Variants in SESTD1 observed in about 807,000 individuals in gnomAD.
SESTD1 encodes the protein SEC14 and spectrin domain containing 1.
In SESTD1, 43 loss-of-function variants were observed where a neutral mutation model predicts 101.7. That is an observed-to-expected ratio of 0.42 (90% CI 0.33 to 0.55). The LOEUF is 0.55. Among genes scored for constraint, SESTD1 ranks in the 20% least tolerant of loss-of-function variants. SESTD1 has a pLI of 0.07. For synonymous variants in SESTD1, 283 were observed against 286.8 expected, an observed-to-expected ratio of 0.99 and a Z score of 0.13; for missense variants, 647 against 815.1, an observed-to-expected ratio of 0.79 and a Z score of 2.51.
At chr2:179,126,137 G>A (rs1221080730) in intron 10 of SESTD1, among the ~76,000 whole-genome samples, 1 of 152,030 alleles carries the variant, frequency 6.6e-6, no homozygotes, top group Non-Finnish European at 1.5e-5. Context: ...TTAAACCTCA[G>A]TTAAAAAAAA....
intron 5 of SESTD1, among the ~76,000 whole-genome samples, chr2:179,157,996 A>G (rs962734448): frequency 6.6e-6 from 1 of 152,164 alleles, no homozygotes; most frequent in African/African-American, 2.4e-5. Flanking sequence ...CAAAGGCTTT[A>G]CTAGAATACC....
At chr2:179,166,659 T>C (rs2045840261) in intron 5 of SESTD1, among the ~76,000 whole-genome samples, 1 of 152,158 alleles carries the variant, frequency 6.6e-6, no homozygotes. Flanking sequence ...CAGCAGCCTA[T>C]TGCTGAGAGT....
At chr2:179,239,778 T>A (rs1467083380) in intron 1 of SESTD1, among the ~76,000 whole-genome samples, 1 of 152,186 alleles carries the variant, frequency 6.6e-6, no homozygotes, top group Admixed American at 6.5e-5. Context: ...TTTAACTACA[T>A]GCAAACCTTA....
At chr2:179,215,839 T>TAC (rs2046713028) in intron 1 of SESTD1, among the ~76,000 whole-genome samples, 1 of 135,002 alleles carries the variant, frequency 7.4e-6, no homozygotes, top group Non-Finnish European at 1.6e-5. Flanking sequence ...GTTCATCATA[T>TAC]GCAAATCAAT....
chr2:179,129,402 T>A (rs978366107), intron 10 of SESTD1, among the ~76,000 whole-genome samples: 4 of 152,338 alleles, frequency 2.6e-5, no homozygotes, highest in African/African-American at 9.6e-5. Flanking sequence ...TTGTGTTCTA[T>A]TAAAAAACCA....
chr2:179,132,128 T>C (rs2045027249), intron 10 of SESTD1, 176 bp downstream of exon 10: 1 of 621,708 alleles, frequency 1.6e-6, no homozygotes. Context: ...AAAACAACCT[T>C]CTAATTAACA....
At chr2:179,187,578 G>A (rs1317939839) in intron 2 of SESTD1, among the ~76,000 whole-genome samples, 1 of 152,194 alleles carries the variant, frequency 6.6e-6, no homozygotes, top group Non-Finnish European at 1.5e-5. Context: ...AGGCTACAGT[G>A]AGCTATGATC....
At position 179,165,179 on chromosome 2, in the gene SESTD1, G is replaced by T. The variant is rs972644015; in HGVS notation, c.369+6941C>A. 3.9e-5 allele frequency among the ~76,000 whole-genome samples: 6 copies of T among 152,154 alleles called. 1 individual carries two copies. Among genetic ancestry groups the T allele is most frequent in the Admixed American group, 1.3e-4 (2 of 15,276 alleles). ...CATTAGGAAATTGGGCTTTTAATAAGTGCCTAGCGCTTTCTTGAGAAAATA... is the reference window on the plus strand; with the variant it reads ...CATTAGGAAATTGGGCTTTTAATAATTGCCTAGCGCTTTCTTGAGAAAATA... On this transcript the variant is annotated intron_variant, in intron 5 of 17. Coordinates refer to ENST00000428443, the MANE Select transcript of SESTD1 (RefSeq NM_178123.5).
intron 1 of SESTD1, among the ~76,000 whole-genome samples, chr2:179,222,769 T>C (rs1484043698): frequency 6.6e-6 from 1 of 152,134 alleles, no homozygotes; most frequent in Non-Finnish European, 1.5e-5. Flanking sequence ...ATAAGGAAAC[T>C]AAAATCTGGA....
At chr2:179,191,086 A>G (rs1342034118) in intron 2 of SESTD1, among the ~76,000 whole-genome samples, 3 of 152,324 alleles carry the variant, frequency 2.0e-5, no homozygotes, top group East Asian at 3.9e-4. Context: ...TATATATCCA[A>G]CGGAAAATAA....
chr2:179,199,995 G>A (rs1157570881), intron 1 of SESTD1, among the ~76,000 whole-genome samples: 1 of 152,148 alleles, frequency 6.6e-6, no homozygotes, highest in African/African-American at 2.4e-5. Context: ...GTCCCTGTTT[G>A]CAGACGACAT....
chr2:179,117,697 T>G, intron 13 of SESTD1, 84 bp from the exon 14 acceptor site: 1 of 1,091,304 alleles, frequency 9.2e-7, no homozygotes, highest in Non-Finnish European at 1.3e-6. Flanking sequence ...ACATGTATTT[T>G]ATAGTACACT....
chr2:179,225,105 T>C (rs1574048662), intron 1 of SESTD1, among the ~76,000 whole-genome samples: 1 of 152,184 alleles, frequency 6.6e-6, no homozygotes, highest in Non-Finnish European at 1.5e-5. Context: ...GATCTGATGC[T>C]GTCTCCAGGT....
chr2:179,239,034 T>C (rs1176631632), intron 1 of SESTD1, among the ~76,000 whole-genome samples: 3 of 152,190 alleles, frequency 2.0e-5, no homozygotes, highest in Non-Finnish European at 4.4e-5. Context: ...CGACTAATGT[T>C]TGATTTCTCT....
At chr2:179,126,766 C>T (rs1206447121) in intron 10 of SESTD1, among the ~76,000 whole-genome samples, 3 of 152,098 alleles carry the variant, frequency 2.0e-5, no homozygotes, top group Non-Finnish European at 4.4e-5. Flanking sequence ...AAAATCTAAC[C>T]TGCCACCAAA....
At chr2:179,136,330 C>T (rs904682882) in intron 9 of SESTD1, among the ~76,000 whole-genome samples, 4 of 152,196 alleles carry the variant, frequency 2.6e-5, no homozygotes, top group African/African-American at 4.8e-5. Flanking sequence ...TAGTTCCCTC[C>T]GTCCACTAAC....
At chr2:179,175,006 T>C (rs1305795689) in intron 4 of SESTD1, among the ~76,000 whole-genome samples, 1 of 150,832 alleles carries the variant, frequency 6.6e-6, no homozygotes, top group Non-Finnish European at 1.5e-5. Flanking sequence ...GCCAAACATT[T>C]AAGAAGAATG....
At chr2:179,125,474 G>A (rs545561486) in intron 10 of SESTD1, among the ~76,000 whole-genome samples, 6 of 152,302 alleles carry the variant, frequency 3.9e-5, no homozygotes, top group Admixed American at 2.6e-4. Context: ...CTGTACCAGA[G>A]TAGCCGAACA....
At chr2:179,174,635 A>G (rs958144907) in intron 4 of SESTD1, among the ~76,000 whole-genome samples, 14 of 152,198 alleles carry the variant, frequency 9.2e-5, no homozygotes, top group Non-Finnish European at 4.4e-5. Flanking sequence ...TAGGACACCA[A>G]TTTGTGCTCC....
Sources: gnomAD v4.1 joint callset for allele counts (sites outside exome capture counted in the v4.1 genomes callset) on GRCh38, gnomAD v4.1.1 for gene constraint, MANE v1.5 for transcripts, NCBI Gene and HGNC (gene_info 2026-07-23, HGNC 2026-07-21) for gene names.